The following TAFA1 variants were observed in gnomAD, a reference collection of about 807,000 sequenced individuals.
TAFA1 encodes TAFA chemokine like family member 1.
TAFA1 carries 4 observed loss-of-function variants against 18.5 expected under a neutral mutation model. That is an observed-to-expected ratio of 0.22 (90% CI 0.11 to 0.49). The LOEUF is 0.49. Among genes scored for constraint, TAFA1 ranks in the 20% least tolerant of loss-of-function variants. The probability of loss-of-function intolerance (pLI) is 0.98; values close to 1 mark genes in which losing one functional copy is unlikely to be tolerated. For synonymous variants in TAFA1, 56 were observed against 55.2 expected (o/e 1.01, Z -0.06); for missense variants, 147 against 169.0 (o/e 0.87, Z 0.72).
chr3:68,313,727 A>T lies in TAFA1; in HGVS notation c.119-103553A>T, dbSNP rs528924342. 2.6e-5 allele frequency among the ~76,000 whole-genome samples: 4 copies of T among 152,126 alleles called. No individual in the cohort carries two copies. In the South Asian group the frequency reaches 8.3e-4, roughly 32 times the overall value. On this transcript the variant is annotated intron_variant, in intron 2 of 4. Coordinates refer to ENST00000478136, the MANE Select transcript of TAFA1 (RefSeq NM_213609.4). ...ACAGAAAATAAAAGCCCTAATCCTC[A>T]CTCTCTTTGGCCCTAACTGGATGGA...
intron 2 of TAFA1, among the ~76,000 whole-genome samples, chr3:68,105,215 C>T (rs961550960): frequency 7.2e-5 from 11 of 152,114 alleles, no homozygotes; most frequent in African/African-American, 2.7e-4. Context: ...GACTCCACCT[C>T]CAACATTGGG....
intron 2 of TAFA1, among the ~76,000 whole-genome samples, chr3:68,047,877 C>T (rs549617322): frequency 6.6e-6 from 1 of 152,204 alleles, no homozygotes; most frequent in East Asian, 1.9e-4. Flanking sequence ...CATCACTCTC[C>T]TACGAGAGAG....
At position 68,483,872 on chromosome 3, in the gene TAFA1, C is replaced by T. The variant is rs2072283907; in HGVS notation, c.260-54884C>T. On this transcript the variant is annotated intron_variant, in intron 3 of 4. Transcript: ENST00000478136. ...GAAGGAAACAATAGGAGGTTGAGGC[C>T]AAGTCACTTATAGCTCTTTAGACTG... 3.3e-5 allele frequency among the ~76,000 whole-genome samples: 5 copies of T among 152,282 alleles called. No homozygotes were observed. In the South Asian group the frequency reaches 1.0e-3, roughly 32 times the overall value.
In TAFA1 at chr3:68,221,649, A is replaced by C. The variant is rs557773189; in HGVS notation, c.119-195631A>C. On this transcript the variant is annotated intron_variant, in intron 2 of 4. Transcript: ENST00000478136. ...ATTTCCAAAAAGTCAGAAAGTGAAA[A>C]GAGAAAAAGCATTTTTATGTTTTGA... Among the ~76,000 whole-genome samples the C allele has an allele frequency of 2.0e-5, 3 of 152,314 alleles. No individual in the cohort carries two copies. In the East Asian group the frequency reaches 5.8e-4, roughly 29 times the overall value.
At chr3:68,122,396 T>A (rs748430662) in intron 2 of TAFA1, among the ~76,000 whole-genome samples, 1 of 152,194 alleles carries the variant, frequency 6.6e-6, no homozygotes, top group Non-Finnish European at 1.5e-5. Flanking sequence ...TTCTGTGTAA[T>A]GCCAGTTATC....
intron 2 of TAFA1, among the ~76,000 whole-genome samples, chr3:68,299,470 G>C (rs149694363): frequency 1.3e-5 from 2 of 152,138 alleles, no homozygotes; most frequent in Non-Finnish European, 2.9e-5. Flanking sequence ...TGGAACTAAC[G>C]TTTAAAAGGG....
At chr3:68,479,239 A>ATATATATATATATAT (rs1282917420) in intron 3 of TAFA1, among the ~76,000 whole-genome samples, 3 of 122,980 alleles carry the variant, frequency 2.4e-5, no homozygotes, top group African/African-American at 1.2e-4. Flanking sequence ...CAAAAAAAAA[A>ATATATATATATATAT]AAATATATAT....
intron 2 of TAFA1, among the ~76,000 whole-genome samples, chr3:68,056,476 T>A (rs2064538468): frequency 6.6e-6 from 1 of 152,118 alleles, no homozygotes; most frequent in Non-Finnish European, 1.5e-5. Flanking sequence ...GTGTAATTAC[T>A]CCAGAATTAG....
chr3:68,265,111 C>T (rs2067517971), intron 2 of TAFA1, among the ~76,000 whole-genome samples: 1 of 152,040 alleles, frequency 6.6e-6, no homozygotes, highest in Admixed American at 6.6e-5. Flanking sequence ...TTCCATAATC[C>T]CAATTTTTAT....
At chr3:68,123,750 T>C (rs559006982) in intron 2 of TAFA1, among the ~76,000 whole-genome samples, 51 of 152,180 alleles carry the variant, frequency 3.4e-4, no homozygotes, top group African/African-American at 1.2e-3. Flanking sequence ...GAAATTTGGT[T>C]TCAGATTGAA....
intron 3 of TAFA1, among the ~76,000 whole-genome samples, chr3:68,466,626 T>C: frequency 6.6e-6 from 1 of 152,124 alleles, no homozygotes; most frequent in Non-Finnish European, 1.5e-5. Context: ...CCCATCCTAA[T>C]GTTGAACTGC....
intron 2 of TAFA1, among the ~76,000 whole-genome samples, chr3:68,098,512 C>A (rs187785987): frequency 6.6e-6 from 1 of 152,208 alleles, no homozygotes; most frequent in Admixed American, 6.5e-5. Flanking sequence ...TTCATCTATT[C>A]ACCAAATATT....
chr3:68,148,330 C>T (rs567675122), intron 2 of TAFA1, among the ~76,000 whole-genome samples: 1 of 152,338 alleles, frequency 6.6e-6, no homozygotes, highest in East Asian at 1.9e-4. Flanking sequence ...TAACCTCCTT[C>T]TCTCATATCA....
intron 2 of TAFA1, among the ~76,000 whole-genome samples, chr3:68,136,532 G>A (rs2065610085): frequency 1.3e-5 from 2 of 152,106 alleles, no homozygotes; most frequent in African/African-American, 2.4e-5. Context: ...CCACTGTTCC[G>A]TAGTGACTGT....
In TAFA1 at chr3:68,231,652, G is replaced by A. The variant is rs1395435282; in HGVS notation, c.119-185628G>A. On this transcript the variant is annotated intron_variant, in intron 2 of 4. Coordinates refer to ENST00000478136, the MANE Select transcript of TAFA1 (RefSeq NM_213609.4). ...TGGGATTACAGGCGTGAGCCACCGC[G>A]CCCGGCCAATCTATTTGATTTTTGC... is the stretch of plus-strand genomic sequence containing the variant. Among the ~76,000 whole-genome samples the A allele has an allele frequency of 5.3e-5, 8 of 152,174 alleles. No homozygotes were observed. In the South Asian group the frequency reaches 6.2e-4, roughly 12 times the overall value.
chr3:68,278,229 C>CT (rs2067831145), intron 2 of TAFA1, among the ~76,000 whole-genome samples: 1 of 152,048 alleles, frequency 6.6e-6, no homozygotes, highest in African/African-American at 2.4e-5. Flanking sequence ...TCTTAAAAGA[C>CT]TGGTAATGTT....
intron 2 of TAFA1, among the ~76,000 whole-genome samples, chr3:68,346,894 G>A (rs1260422642): frequency 6.6e-6 from 1 of 152,126 alleles, no homozygotes; most frequent in African/African-American, 2.4e-5. Flanking sequence ...GAGGCTAGAG[G>A]GCTGATAGAA....
intron 2 of TAFA1, among the ~76,000 whole-genome samples, chr3:68,252,214 T>C (rs1219748579): frequency 2.6e-5 from 4 of 152,116 alleles, no homozygotes; most frequent in African/African-American, 9.7e-5. Flanking sequence ...ATGTAACCCT[T>C]CTTTTCCATT....
At chr3:68,476,348 A>G (rs1460993327) in intron 3 of TAFA1, among the ~76,000 whole-genome samples, 2 of 152,236 alleles carry the variant, frequency 1.3e-5, no homozygotes, top group Non-Finnish European at 2.9e-5. Flanking sequence ...CAACACAGTG[A>G]GAAAAGTGCT....
Sources: allele counts gnomAD v4.1 joint callset (sites outside exome capture counted in the v4.1 genomes callset), GRCh38; gene constraint gnomAD v4.1.1; transcripts MANE v1.5; gene names NCBI Gene and HGNC (gene_info 2026-07-23, HGNC 2026-07-21).